LHFPL7: variants seen among roughly 807,000 people sequenced by gnomAD.
LHFPL7 encodes LHFPL tetraspan subfamily member 7 protein.
At chr22:24,940,751 C>T in the LHFPL7 span, among the ~76,000 whole-genome samples, 1,119 of 119,354 alleles carry the variant, frequency 9.4e-3, 6 homozygotes, top group African/African-American at 0.019. Context: ...CCTTCCTTCC[C>T]TCCCTCCCTC....
At chr22:24,935,213 G>A in the LHFPL7 span, 4 of 1,335,926 alleles carry the variant, frequency 3.0e-6, no homozygotes, top group African/African-American at 5.8e-5. Flanking sequence ...GTTCCAGAGA[G>A]GTAAAGTGGC....
At chr22:24,935,485 C>T in the LHFPL7 span, 1 of 1,613,766 alleles carries the variant, frequency 6.2e-7, no homozygotes, top group Non-Finnish European at 8.5e-7. Context: ...TAACCCCAAC[C>T]CAGCCGGCAC....
chr22:24,942,993 C>T, the LHFPL7 span, among the ~76,000 whole-genome samples: 28 of 151,302 alleles, frequency 1.9e-4, no homozygotes, highest in African/African-American at 5.1e-4. Flanking sequence ...TCAAGTTGCA[C>T]GGGCTTTTTA....
chr22:24,940,394 A>C, the LHFPL7 span, among the ~76,000 whole-genome samples: 25 of 148,954 alleles, frequency 1.7e-4, no homozygotes, highest in East Asian at 2.5e-3. Context: ...GAGATCGAGA[A>C]CATCCTGGCT....
chr22:24,942,498 C>A, the LHFPL7 span, among the ~76,000 whole-genome samples: 1 of 152,198 alleles, frequency 6.6e-6, no homozygotes, highest in Non-Finnish European at 1.5e-5. Flanking sequence ...GCCAACCAGG[C>A]CAAGGGCACT....
chr22:24,941,171 C>G, the LHFPL7 span, among the ~76,000 whole-genome samples: 1 of 142,972 alleles, frequency 7.0e-6, no homozygotes, highest in East Asian at 2.0e-4. Context: ...ATGGTATTAT[C>G]TTTTTTTTTT....
the LHFPL7 span, chr22:24,935,623 G>C: frequency 1.9e-6 from 3 of 1,595,634 alleles, no homozygotes; most frequent in Non-Finnish European, 2.6e-6. Flanking sequence ...GAAAGACAAT[G>C]TGTTGGCCAA....
chr22:24,935,396 C>T, the LHFPL7 span: 5 of 1,613,940 alleles, frequency 3.1e-6, no homozygotes, highest in Non-Finnish European at 4.2e-6. Flanking sequence ...TGATGGTCCT[C>T]CCTTGGACCT....
chr22:24,935,604 A>C, the LHFPL7 span: 2 of 1,606,468 alleles, frequency 1.2e-6, no homozygotes, highest in African/African-American at 2.7e-5. Flanking sequence ...AGCTGGAGAT[A>C]GCAGGAAGGA....
chr22:24,939,450 G>A, the LHFPL7 span: 44 of 703,024 alleles, frequency 6.3e-5, no homozygotes, highest in Non-Finnish European at 1.1e-4. Flanking sequence ...GAAGGTCGGG[G>A]TCTGGAACCA....
At chr22:24,944,903 G>A in the LHFPL7 span, among the ~76,000 whole-genome samples, 5 of 151,738 alleles carry the variant, frequency 3.3e-5, no homozygotes, top group East Asian at 5.8e-4. Context: ...TCTGCCTCTC[G>A]GGTTCAAGCA....
the LHFPL7 span, among the ~76,000 whole-genome samples, chr22:24,936,996 T>C: frequency 6.6e-6 from 1 of 152,044 alleles, no homozygotes. Flanking sequence ...CAGCAAATGT[T>C]TATTGGGCAC....
chr22:24,944,024 T>G, the LHFPL7 span, among the ~76,000 whole-genome samples: 1 of 152,166 alleles, frequency 6.6e-6, no homozygotes, highest in African/African-American at 2.4e-5. Context: ...GATACAGTGG[T>G]GAACAGAACG....
At chr22:24,935,719 C>T in the LHFPL7 span, 2 of 1,300,774 alleles carry the variant, frequency 1.5e-6, no homozygotes, top group Non-Finnish European at 2.1e-6. Flanking sequence ...CATTCATTTG[C>T]TTATTTATTG....
At chr22:24,938,038 T>G in the LHFPL7 span, 1 of 1,469,748 alleles carries the variant, frequency 6.8e-7, no homozygotes, top group Non-Finnish European at 9.1e-7. Context: ...ATCTCTGAGG[T>G]CTGACCCGAG....
chr22:24,936,449 C>T, the LHFPL7 span, among the ~76,000 whole-genome samples: 1 of 152,192 alleles, frequency 6.6e-6, no homozygotes, highest in South Asian at 2.1e-4. Context: ...CACTTATCAA[C>T]ACACTCATTC....
chr22:24,937,874 T>A, the LHFPL7 span, among the ~76,000 whole-genome samples: 4 of 152,182 alleles, frequency 2.6e-5, 1 homozygote, highest in East Asian at 5.8e-4. Context: ...AAGGATGACA[T>A]GAAGTGGATG....
the LHFPL7 span, among the ~76,000 whole-genome samples, chr22:24,936,909 C>T: frequency 1.3e-5 from 2 of 152,096 alleles, no homozygotes; most frequent in South Asian, 4.2e-4. Flanking sequence ...CCCTCCAACC[C>T]CCGCCCCCCC....
chr22:24,945,840 C>T, the LHFPL7 span, among the ~76,000 whole-genome samples: 1 of 152,194 alleles, frequency 6.6e-6, no homozygotes, highest in Non-Finnish European at 1.5e-5. Context: ...TCACATTCTC[C>T]CGGCTATGCA....
Sources: allele counts gnomAD v4.1 joint callset (sites outside exome capture counted in the v4.1 genomes callset), GRCh38; gene constraint gnomAD v4.1.1; transcripts MANE v1.5; gene names NCBI Gene and HGNC (gene_info 2026-07-23, HGNC 2026-07-21).